The following USH1C variants were observed in gnomAD, a reference collection of about 807,000 sequenced individuals.
The protein encoded by USH1C is USH1 protein network component harmonin.
A neutral mutation model predicts 119.3 loss-of-function variants in USH1C; 90 were observed. That is an observed-to-expected ratio of 0.75 (90% CI 0.64 to 0.90). The LOEUF (loss-of-function observed/expected upper bound fraction) is 0.90. Among genes scored for constraint, USH1C ranks in the 40% least tolerant of loss-of-function variants. The pLI is 0.00. For missense variants in USH1C, 1,165 were observed against 1,167.7 expected (o/e 1.00, Z 0.03); for synonymous variants, 465 against 443.3 (o/e 1.05, Z -0.62).
intron 1 of USH1C, among the ~76,000 whole-genome samples, chr11:17,537,947 T>C (rs1051297270): frequency 2.0e-5 from 3 of 152,150 alleles, no homozygotes; most frequent in Non-Finnish European, 4.4e-5. Context: ...CTCCAAAACC[T>C]CTGCTTTTTT....
chr11:17,513,333 C>T (rs1288768857), intron 15 of USH1C, among the ~76,000 whole-genome samples: 3 of 151,812 alleles, frequency 2.0e-5, no homozygotes, highest in South Asian at 2.1e-4. Context: ...GTTCACTGAG[C>T]TCACCCCCGC....
At chr11:17,530,572 G>A (rs1289103562) in intron 4 of USH1C, among the ~76,000 whole-genome samples, 1 of 152,232 alleles carries the variant, frequency 6.6e-6, no homozygotes, top group Admixed American at 6.5e-5. Flanking sequence ...GCATTTGTAT[G>A]CCAGGCCCTG....
At chr11:17,533,367 G>T (rs2240489) in intron 1 of USH1C, 45 bp from the exon 2 acceptor site, 14 of 1,389,198 alleles carry the variant, frequency 1.0e-5, no homozygotes, top group Admixed American at 1.7e-5. Context: ...CTCAGCACCC[G>T]CCCCCATAGC....
In USH1C at chr11:17,511,962, T is replaced by G. The variant is rs756818011; in HGVS notation, c.1353A>C (p.Lys451Asn). 6.2e-7 allele frequency: 1 copy of G among 1,614,106 alleles called. No homozygotes were observed. The highest frequency in any genetic ancestry group is 1.7e-5 in the Admixed American group (1 of 59,996). The change falls in exon 16 of 27, where the codon AAA (lysine) becomes AAC (asparagine). Residue 451 changes from lysine to asparagine, a missense_variant. Physicochemically the swap from Lys to Asn is moderately conservative, Grantham distance 94. Transcript: ENST00000005226. The part of the protein sequence containing the change: ...KELEFEQKLY[K>N]EKEEMLEKEK... ...CCTTCTCCAGCATTTCCTCTTTCTC[T>G]TTGTAAAGCTTTTGCTCAAACTCCA...
intron 8 of USH1C, among the ~76,000 whole-genome samples, chr11:17,525,336 G>A: frequency 6.6e-6 from 1 of 152,234 alleles, no homozygotes; most frequent in Admixed American, 6.5e-5. Flanking sequence ...TTGTCTCCCA[G>A]AAAGGTGGGA....
In USH1C at chr11:17,531,545, G is replaced by A. The variant is rs777805738; in HGVS notation, c.105-3C>T. ...CGAGCACGGCCACGTCCATGGTCCT[G>A]TGGAGATGCCGGGAATGCCTGGAGC... is the stretch of plus-strand genomic sequence containing the variant. On this transcript the variant is annotated splice_polypyrimidine_tract_variant and splice_region_variant and intron_variant, in intron 2 of 26. Transcript: ENST00000005226. This position sits in a 1 kb window ranked among gnomAD's most constrained non-coding sequence, Gnocchi z 4.2. 6.2e-7 allele frequency: 1 copy of A among 1,612,966 alleles called. No individual in the cohort carries two copies. The highest frequency in any genetic ancestry group is 1.7e-5 in the Admixed American group (1 of 60,028).
chr11:17,494,324 A>G lies in USH1C; in HGVS notation c.*8T>C, dbSNP rs1354956234. 7.5e-6 allele frequency: 12 copies of G among 1,607,524 alleles called. No individual in the cohort carries two copies. Among genetic ancestry groups the G allele is most frequent in the South Asian group, 1.1e-5 (1 of 89,364 alleles). On this transcript the variant is annotated 3_prime_UTR_variant, in exon 27 of 27. Transcript: ENST00000005226. ...TGTTCACGAGGTGGGGCCGGAGCTCACTGTTTCCTAACGGTGAATTTGGTT... is the reference window on the plus strand; with the variant it reads ...TGTTCACGAGGTGGGGCCGGAGCTCGCTGTTTCCTAACGGTGAATTTGGTT...
At chr11:17,536,358 A>AG (rs1473723798) in intron 1 of USH1C, among the ~76,000 whole-genome samples, 1 of 152,220 alleles carries the variant, frequency 6.6e-6, no homozygotes, top group Non-Finnish European at 1.5e-5. Context: ...TTCAGTAGTG[A>AG]GGAACTGTCC....
At chr11:17,511,856 A>G (rs1365996072) in intron 16 of USH1C, 46 bp downstream of exon 16, 1 of 1,591,504 alleles carries the variant, frequency 6.3e-7, no homozygotes, top group African/African-American at 1.4e-5. Context: ...GAACGACCAC[A>G]TTGTGTCCCA....
At chr11:17,517,795 A>G (rs1398730655) in intron 14 of USH1C, among the ~76,000 whole-genome samples, 1 of 152,130 alleles carries the variant, frequency 6.6e-6, no homozygotes, top group Non-Finnish European at 1.5e-5. Flanking sequence ...AGTGAGGAGG[A>G]TGGGAATATC....
At chr11:17,521,473 C>T (rs1295940498) in intron 12 of USH1C, 62 bp from the exon 13 acceptor site, 4 of 1,541,662 alleles carry the variant, frequency 2.6e-6, no homozygotes, top group South Asian at 2.2e-5. Context: ...CTCTTCCTTA[C>T]TGTGAATTCT....
At chr11:17,527,096 CCGT>C (rs2133898164) in intron 5 of USH1C, 56 bp from the exon 6 acceptor site, 1 of 1,340,734 alleles carries the variant, frequency 7.5e-7, no homozygotes, top group African/African-American at 2.0e-5. Context: ...CTCCCTCCCA[CCGT>C]CATGGAGTAC....
chr11:17,529,779 C>G (rs1335497423), intron 4 of USH1C, among the ~76,000 whole-genome samples: 1 of 152,150 alleles, frequency 6.6e-6, no homozygotes, highest in Admixed American at 6.5e-5. Context: ...ATGAACCCGT[C>G]AGCTAGAGAA....
chr11:17,521,450 C>A, intron 12 of USH1C, 39 bp from the exon 13 acceptor site: 1 of 1,598,130 alleles, frequency 6.3e-7, no homozygotes, highest in Non-Finnish European at 8.6e-7. Context: ...TGGCCCTATG[C>A]AAGAGAAATG....
At chr11:17,528,753 A>C (rs1370770179) in intron 4 of USH1C, among the ~76,000 whole-genome samples, 1 of 152,178 alleles carries the variant, frequency 6.6e-6, no homozygotes, top group Admixed American at 6.5e-5. Context: ...CACAGACCCC[A>C]GTCTTCTCAG....
intron 17 of USH1C, among the ~76,000 whole-genome samples, chr11:17,510,159 A>G (rs1199819253): frequency 6.6e-6 from 1 of 152,200 alleles, no homozygotes. Flanking sequence ...TGCCAGGACA[A>G]CAGGCCTAAC....
Position 17,527,246 on chromosome 11 carries a change from T to G in USH1C, c.473A>C (p.Lys158Thr). The stretch of plus-strand genomic sequence containing the variant: ...ACGTCTCACTTTGATGGACACAGTT[T>G]TCTTGGTTCGAATGAGGTTGATGAC... ...EEVINLIRTK[K>T]TVSIKVRHIG... Residue 158 changes from lysine (K) to threonine (T), a missense_variant, in exon 5 of 27, where the codon AAA (lysine) becomes ACA (threonine). By Grantham distance (78) the Lys-to-Thr change is moderately conservative. Coordinates refer to ENST00000005226, the MANE Select transcript of USH1C (RefSeq NM_153676.4). 1.9e-6 allele frequency: 3 copies of G among 1,608,996 alleles called. No individual in the cohort carries two copies. The highest frequency in any genetic ancestry group is 2.5e-6 in the Non-Finnish European group (3 of 1,178,270).
chr11:17,494,204 A>G lies in USH1C; in HGVS notation c.*128T>C. The G allele has an allele frequency of 8.2e-7, 1 of 1,214,384 alleles. No homozygotes were observed. 75.2% of individuals were successfully genotyped at this position (1,214,384 alleles called of 1,614,324 possible). A position where few individuals can be genotyped will look rare whatever the true frequency, so the allele number is the denominator to read the frequency against. ...TTATCTGGCCCTGGTTCAGGGCCAAAGGGAGTTTGAGATTCCTGGGTGATA... is the reference window on the plus strand; with the variant it reads ...TTATCTGGCCCTGGTTCAGGGCCAAGGGGAGTTTGAGATTCCTGGGTGATA... On this transcript the variant is annotated 3_prime_UTR_variant, in exon 27 of 27. Transcript: ENST00000005226.
chr11:17,531,157 G>A lies in USH1C; in HGVS notation c.384C>T (p.Leu128=). Residue 128 remains leucine, a synonymous_variant, in exon 4 of 27, where the codon CTC becomes CTT. Transcript: ENST00000005226. This position sits in a 1 kb window ranked among gnomAD's most constrained non-coding sequence, Gnocchi z 4.2. ...IKGGQADSVG[L]QVGDEIVRIN... ...CCCCCGGACTCTGTTTGCTCACCTG[G>A]AGCCCGACGCTGTCTGCCTGACCGC... 1 of 1,614,086 alleles carries A rather than the reference G, an allele frequency of 6.2e-7. No individual in the cohort carries two copies.
Sources: allele counts gnomAD v4.1 joint callset (sites outside exome capture counted in the v4.1 genomes callset), GRCh38; gene constraint gnomAD v4.1.1; non-coding constraint Gnocchi (gnomAD v3.1); transcripts MANE v1.5; gene names NCBI Gene and HGNC (gene_info 2026-07-23, HGNC 2026-07-21).